The following ANO10 variants were observed in gnomAD, a reference collection of about 807,000 sequenced individuals.
The protein encoded by ANO10 is anoctamin 10.
ANO10 carries 77 observed loss-of-function variants against 74.7 expected under a neutral mutation model. That is an observed-to-expected ratio of 1.03 (90% CI 0.86 to 1.25). The LOEUF is 1.25. ANO10 is among the 50% of genes most tolerant of loss of function. The pLI, the probability that ANO10 is intolerant of heterozygous loss-of-function variation, is 0.00. For synonymous variants in ANO10, 279 were observed against 284.9 expected, an observed-to-expected ratio of 0.98 and a Z score of 0.21; for missense variants, 721 against 778.1, an observed-to-expected ratio of 0.93 and a Z score of 0.87.
chr3:43,581,232 A>G (rs1043834753), intron 4 of ANO10, among the ~76,000 whole-genome samples: 1 of 152,254 alleles, frequency 6.6e-6, no homozygotes, highest in African/African-American at 2.4e-5. Context: ...GTTGATACAG[A>G]GTATTTTCAA....
chr3:43,434,133 C>A (rs2093031921), intron 11 of ANO10, among the ~76,000 whole-genome samples: 2 of 152,252 alleles, frequency 1.3e-5, no homozygotes, highest in South Asian at 2.1e-4. Context: ...GACTTGAAAA[C>A]CAGCAGAACC....
At chr3:43,462,872 A>C (rs527861469) in intron 11 of ANO10, among the ~76,000 whole-genome samples, 5 of 152,236 alleles carry the variant, frequency 3.3e-5, no homozygotes, top group Non-Finnish European at 7.3e-5. Context: ...GGGCCAATGT[A>C]GAGCTCAGGC....
chr3:43,518,250 T>C (rs777925637), intron 11 of ANO10, among the ~76,000 whole-genome samples: 10 of 152,170 alleles, frequency 6.6e-5, no homozygotes, highest in Admixed American at 5.2e-4. Flanking sequence ...CTTACACCTG[T>C]CTTTACTACA....
At chr3:43,479,790 G>C (rs1409451778) in intron 11 of ANO10, among the ~76,000 whole-genome samples, 1 of 152,126 alleles carries the variant, frequency 6.6e-6, no homozygotes, top group Non-Finnish European at 1.5e-5. Context: ...TAGAGCCTAG[G>C]ACCTCAGAAC....
At chr3:43,638,287 T>C (rs1575574171) in intron 1 of ANO10, among the ~76,000 whole-genome samples, 1 of 152,222 alleles carries the variant, frequency 6.6e-6, no homozygotes, top group East Asian at 1.9e-4. Context: ...GCAATTTATA[T>C]TAATCCTCTT....
chr3:43,641,714 T>A (rs1423822635), intron 1 of ANO10, among the ~76,000 whole-genome samples: 1 of 152,210 alleles, frequency 6.6e-6, no homozygotes, highest in Non-Finnish European at 1.5e-5. Flanking sequence ...GCACTGTCTA[T>A]TTTTAGGATC....
intron 9 of ANO10, among the ~76,000 whole-genome samples, chr3:43,557,219 C>T (rs1214540838): frequency 6.6e-6 from 1 of 151,478 alleles, no homozygotes; most frequent in Non-Finnish European, 1.5e-5. Flanking sequence ...CAAGGTGACC[C>T]CACAAAATGG....
At chr3:43,668,305 G>C (rs1488027569) in intron 1 of ANO10, among the ~76,000 whole-genome samples, 1 of 151,556 alleles carries the variant, frequency 6.6e-6, no homozygotes, top group Non-Finnish European at 1.5e-5. Flanking sequence ...GCTGATTTGA[G>C]TTTCTTGTAG....
At chr3:43,475,656 T>A (rs2076038426) in intron 11 of ANO10, among the ~76,000 whole-genome samples, 1 of 152,200 alleles carries the variant, frequency 6.6e-6, no homozygotes, top group Non-Finnish European at 1.5e-5. Context: ...TGGAGTGCAA[T>A]GGCGCAACCT....
At chr3:43,426,668 CCTTT>C (rs1271184248) in intron 12 of ANO10, among the ~76,000 whole-genome samples, 7 of 152,242 alleles carry the variant, frequency 4.6e-5, no homozygotes, top group Admixed American at 3.9e-4. Flanking sequence ...GCATTAGAAT[CCTTT>C]CTATTTTTAA....
intron 12 of ANO10, chr3:43,424,843 G>A (rs577980017): frequency 1.8e-4 from 28 of 152,306 alleles, no homozygotes; most frequent in East Asian, 9.7e-4. Flanking sequence ...GGCAGCGGGC[G>A]AAATGAACCC....
chr3:43,510,774 T>C (rs2077479911), intron 11 of ANO10, among the ~76,000 whole-genome samples: 1 of 152,132 alleles, frequency 6.6e-6, no homozygotes, highest in African/African-American at 2.4e-5. Flanking sequence ...AGCCAAAAAA[T>C]GCATTTGGTT....
intron 11 of ANO10, among the ~76,000 whole-genome samples, chr3:43,499,096 C>A (rs1222084307): frequency 6.6e-6 from 1 of 152,128 alleles, no homozygotes; most frequent in Non-Finnish European, 1.5e-5. Context: ...TGTAGAGAAA[C>A]CACTAGAGAG....
intron 1 of ANO10, among the ~76,000 whole-genome samples, chr3:43,658,265 T>C (rs951801157): frequency 7.9e-5 from 12 of 152,100 alleles, no homozygotes; most frequent in African/African-American, 2.9e-4. Flanking sequence ...AAGGCCATAA[T>C]CTAATATAAA....
chr3:43,649,975 T>G (rs1321276376), intron 1 of ANO10, among the ~76,000 whole-genome samples: 3 of 152,164 alleles, frequency 2.0e-5, no homozygotes, highest in Non-Finnish European at 4.4e-5. Flanking sequence ...TGTGCTACAG[T>G]GCACTCTTTT....
intron 1 of ANO10, among the ~76,000 whole-genome samples, chr3:43,677,310 A>G (rs932740719): frequency 2.0e-5 from 3 of 152,186 alleles, no homozygotes; most frequent in Admixed American, 6.5e-5. Context: ...GCACTTTGGG[A>G]GGCTGAGGTG....
chr3:43,413,734 G>A (rs996090020), intron 12 of ANO10, among the ~76,000 whole-genome samples: 4 of 150,234 alleles, frequency 2.7e-5, no homozygotes, highest in African/African-American at 7.4e-5. Context: ...CATCAACAGC[G>A]GCAGACCGTT....
chr3:43,590,527 A>C (rs767864898), intron 4 of ANO10, among the ~76,000 whole-genome samples: 1 of 152,216 alleles, frequency 6.6e-6, no homozygotes, highest in African/African-American at 2.4e-5. Flanking sequence ...TCACCTAAGA[A>C]GAATTCTTGC....
intron 12 of ANO10, among the ~76,000 whole-genome samples, chr3:43,394,024 A>C (rs2092329591): frequency 6.6e-6 from 1 of 152,114 alleles, no homozygotes; most frequent in South Asian, 2.1e-4. Flanking sequence ...GGCTGTGAAC[A>C]CTCACAGGGT....
Sources: allele counts gnomAD v4.1 joint callset (sites outside exome capture counted in the v4.1 genomes callset), GRCh38; gene constraint gnomAD v4.1.1; transcripts MANE v1.5; gene names NCBI Gene and HGNC (gene_info 2026-07-23, HGNC 2026-07-21).